Variants in ASAP2 observed in about 807,000 individuals in gnomAD.
The protein encoded by ASAP2 is ArfGAP with SH3 domain, ankyrin repeat and PH domain 2.
A neutral mutation model predicts 131.4 loss-of-function variants in ASAP2; 45 were observed. That is an observed-to-expected ratio of 0.34 (90% CI 0.27 to 0.44). ASAP2 has a LOEUF of 0.44. ASAP2 is among the 20% of genes least tolerant of loss of function. The probability of loss-of-function intolerance (pLI) is 1.00; values close to 1 mark genes in which losing one functional copy is unlikely to be tolerated. For synonymous variants in ASAP2, 510 were observed against 503.0 expected, an observed-to-expected ratio of 1.01 and a Z score of -0.19; for missense variants, 1,011 against 1,297.0, an observed-to-expected ratio of 0.78 and a Z score of 3.39.
At position 9,232,265 on chromosome 2, in the gene ASAP2, C is replaced by T. The variant is rs11688558; in HGVS notation, c.126+25035C>T. Among the ~76,000 whole-genome samples, 1,012 of 152,300 alleles carry T rather than the reference C, an allele frequency of 6.6e-3. 12 individuals carry two copies. The highest frequency in any genetic ancestry group is 0.023 in the African/African-American group (973 of 41,572). On this transcript the variant is annotated intron_variant, in intron 1 of 27. Transcript: ENST00000281419. This position sits in a 1 kb window ranked among gnomAD's most constrained non-coding sequence, Gnocchi z 4.1. ...TCAACACGCCTCACTGCCCTGCGCCCGATCCTTTTACACAGGTGGTCCCTC... is the reference window on the plus strand; with the variant it reads ...TCAACACGCCTCACTGCCCTGCGCCTGATCCTTTTACACAGGTGGTCCCTC...
At chr2:9,313,370 T>C (rs1558320752) in intron 3 of ASAP2, among the ~76,000 whole-genome samples, 1 of 152,230 alleles carries the variant, frequency 6.6e-6, no homozygotes, top group South Asian at 2.1e-4. Flanking sequence ...GATGAATTTC[T>C]TTTTCTCTGC....
rs1661238061 is a variant in ASAP2, at chr2:9,207,862, G to T, written c.126+632G>T. Among the ~76,000 whole-genome samples, 1 of 152,184 alleles carries T rather than the reference G, an allele frequency of 6.6e-6. No individual in the cohort carries two copies. The highest frequency in any genetic ancestry group is 1.5e-5 in the Non-Finnish European group (1 of 68,020). ...CAGGAGCCGCTCCCCGGTTACCTGG[G>T]TCTCACCTGCTTGAACCCGGAATGC... On this transcript the variant is annotated intron_variant, in intron 1 of 27. Transcript: ENST00000281419. This position sits in a 1 kb window ranked among gnomAD's most constrained non-coding sequence, Gnocchi z 4.1.
intron 26 of ASAP2, 145 bp from the exon 27 acceptor site, chr2:9,401,129 C>G (rs534255034): frequency 7.9e-6 from 8 of 1,008,794 alleles, no homozygotes; most frequent in South Asian, 1.6e-5. Context: ...CTGAGCTGCA[C>G]TGACCTGCCC....
intron 11 of ASAP2, among the ~76,000 whole-genome samples, chr2:9,347,921 G>A (rs1029332520): frequency 3.9e-5 from 6 of 152,170 alleles, no homozygotes; most frequent in Non-Finnish European, 5.9e-5. Context: ...AGAACGGCAC[G>A]ATTAGAATGG....
In ASAP2 at chr2:9,335,165, G is replaced by A; in HGVS notation, c.835G>A (p.Val279Ile). Reference protein sequence around the residue: ...LRDILKSALQVEQKEDSQIRQ... With the variant: ...LRDILKSALQIEQKEDSQIRQ... ...AGATATTTTGAAATCCGCATTGCAG[G>A]TTGAACAGAAAGAGGTGAGGGGATT... is the stretch of plus-strand genomic sequence containing the variant. The change falls in exon 9 of 28, where the codon GTT (valine) becomes ATT (isoleucine). Residue 279 changes from valine to isoleucine, a missense_variant. Val to Ile is a conservative substitution (Grantham distance 29). Transcript: ENST00000281419. The A allele has an allele frequency of 6.2e-7, 1 of 1,614,102 alleles. No homozygotes were observed. The highest frequency in any genetic ancestry group is 8.5e-7 in the Non-Finnish European group (1 of 1,179,986).
chr2:9,229,237 G>A (rs1572204000), intron 1 of ASAP2, among the ~76,000 whole-genome samples: 1 of 152,120 alleles, frequency 6.6e-6, no homozygotes. Context: ...GGCTGGTGGC[G>A]GGGCAGGTGG....
In ASAP2 at chr2:9,356,256, A is replaced by G; in HGVS notation, c.1238A>G (p.Asn413Ser). 3 of 1,614,172 alleles carry G rather than the reference A, an allele frequency of 1.9e-6. No homozygotes were observed. Among genetic ancestry groups the G allele is most frequent in the Non-Finnish European group, 1.7e-6 (2 of 1,180,008 alleles). The part of the protein sequence containing the change: ...AFKGDDNTGE[N>S]NIVQELTKEI... ...AAGGGGGATGACAATACTGGAGAAA[A>G]TAACATCGTCCAAGAACTGACAAAG... Residue 413 changes from asparagine (N) to serine (S), a missense_variant, in exon 14 of 28, where the codon AAT becomes AGT. This residue lies in a region of ASAP2 where 359 missense variants were observed against 598.1 expected (regional missense o/e 0.60). Coordinates refer to ENST00000281419, the MANE Select transcript of ASAP2 (RefSeq NM_003887.3).
At chr2:9,324,480 G>T (rs1402984343) in intron 6 of ASAP2, among the ~76,000 whole-genome samples, 2 of 152,136 alleles carry the variant, frequency 1.3e-5, no homozygotes, top group African/African-American at 4.8e-5. Flanking sequence ...AAGGTTGAGG[G>T]GCTGCATCTG....
chr2:9,401,320 C>T lies in ASAP2; in HGVS notation c.2870C>T (p.Ala957Val). The change falls in exon 27 of 28, where the codon GCT (alanine) becomes GTT (valine). Residue 957 changes from alanine (A) to valine (V), a missense_variant. Physicochemically the swap from Ala to Val is moderately conservative, Grantham distance 64 (BLOSUM62 0). Transcript: ENST00000281419. The stretch of plus-strand genomic sequence containing the variant: ...GTGAAAGCGCTCTATAACTGTGTGG[C>T]TGACAACCCCGATGAGCTCACCTTC... ...KRVKALYNCVADNPDELTFSE... is the reference protein window; with the variant it reads ...KRVKALYNCVVDNPDELTFSE... The T allele has an allele frequency of 1.9e-6, 3 of 1,613,666 alleles. No homozygotes were observed. The highest frequency in any genetic ancestry group is 2.5e-6 in the Non-Finnish European group (3 of 1,179,954).
chr2:9,320,356 A>G lies in ASAP2; in HGVS notation c.470+19A>G. On this transcript the variant is annotated intron_variant, in intron 5 of 27. Transcript: ENST00000281419. ...CAAAAATGTGAGTGTTCTCGTTTTT[A>G]AATTTACGTATAGGTAATTTGGGAT... 1 of 1,599,146 alleles carries G rather than the reference A, an allele frequency of 6.3e-7. No homozygotes were observed. Among genetic ancestry groups the G allele is most frequent in the Non-Finnish European group, 8.6e-7 (1 of 1,168,984 alleles).
At chr2:9,314,522 C>A (rs141234593) in intron 3 of ASAP2, among the ~76,000 whole-genome samples, 1 of 152,200 alleles carries the variant, frequency 6.6e-6, no homozygotes, top group Non-Finnish European at 1.5e-5. Flanking sequence ...TAGGCCAAGC[C>A]CCATGCTAAG....
chr2:9,217,860 C>T lies in ASAP2; in HGVS notation c.126+10630C>T, dbSNP rs1662162020. On this transcript the variant is annotated intron_variant, in intron 1 of 27. Transcript: ENST00000281419. The surrounding 1 kb of genome is among the most constrained non-coding windows in gnomAD (Gnocchi z 4.0). Reference sequence around the variant, plus strand: ...TGATCTCCTGACCTCGTGAGGCACCCACCTCGGCTTCCCAAAGTGCTGGGA... The same window carrying T: ...TGATCTCCTGACCTCGTGAGGCACCTACCTCGGCTTCCCAAAGTGCTGGGA... 1.3e-5 allele frequency among the ~76,000 whole-genome samples: 2 copies of T among 151,494 alleles called. No individual in the cohort carries two copies. The highest frequency in any genetic ancestry group is 2.9e-5 in the Non-Finnish European group (2 of 67,926).
Position 9,405,577 on chromosome 2 carries a change from T to C in ASAP2, c.*2250T>C, listed in dbSNP as rs1406138948. 6.6e-6 allele frequency: 1 copy of C among 152,670 alleles called. No individual in the cohort carries two copies. The highest frequency in any genetic ancestry group is 1.5e-5 in the Non-Finnish European group (1 of 68,044). The allele number at this position is 152,670 out of a possible 1,614,324, so 9.5% of individuals were successfully genotyped here. ...TATAACCGAAATTGATTATTTTCAT[T>C]GTCCTTAATGCAGTGATTTATAATT... On this transcript the variant is annotated 3_prime_UTR_variant, in exon 28 of 28. Coordinates refer to ENST00000281419, the MANE Select transcript of ASAP2 (RefSeq NM_003887.3).
At chr2:9,312,351 G>A (rs1412607301) in intron 3 of ASAP2, among the ~76,000 whole-genome samples, 1 of 152,144 alleles carries the variant, frequency 6.6e-6, no homozygotes, top group Non-Finnish European at 1.5e-5. Flanking sequence ...CTGGCACCAG[G>A]CTTCTCTCTC....
At chr2:9,297,940 G>A (rs774508186) in intron 3 of ASAP2, among the ~76,000 whole-genome samples, 8 of 150,188 alleles carry the variant, frequency 5.3e-5, no homozygotes, top group Non-Finnish European at 9.0e-5. Flanking sequence ...GCAATGCCTC[G>A]GTTTTCAGCC....
At chr2:9,223,882 A>G (rs1466539540) in intron 1 of ASAP2, among the ~76,000 whole-genome samples, 1 of 152,186 alleles carries the variant, frequency 6.6e-6, no homozygotes, top group Non-Finnish European at 1.5e-5. Context: ...GCCACAGCAG[A>G]GCATGTTTAT....
At chr2:9,393,767 A>C in intron 24 of ASAP2, 120 bp downstream of exon 24, 3 of 1,095,174 alleles carry the variant, frequency 2.7e-6, no homozygotes, top group Non-Finnish European at 3.8e-6. Context: ...GCGCCACATA[A>C]CTAATTCATC....
chr2:9,385,487 T>C, intron 21 of ASAP2, 129 bp downstream of exon 21: 2 of 719,296 alleles, frequency 2.8e-6, no homozygotes, highest in South Asian at 1.8e-5. Context: ...TATGCTTTCA[T>C]TGATCTCAGT....
chr2:9,379,074 G>GC lies in ASAP2; in HGVS notation c.1948+19dup. 6.7e-7 allele frequency: 1 copy of GC among 1,502,898 alleles called. No individual in the cohort carries two copies. The allele number at this position is 1,502,898 out of a possible 1,614,324, so 93.1% of individuals were successfully genotyped here. On this transcript the variant is annotated intron_variant, in intron 19 of 27. Coordinates refer to ENST00000281419, the MANE Select transcript of ASAP2 (RefSeq NM_003887.3). ...CATCGAGATAGGTGAGTGGGCCCGG[G>GC]CCCCGGGGGTGGGCTCAGCTGCACC... is the stretch of plus-strand genomic sequence containing the variant.
Sources: allele counts gnomAD v4.1 joint callset (sites outside exome capture counted in the v4.1 genomes callset), GRCh38; gene constraint gnomAD v4.1.1; regional missense constraint gnomAD v4.1.1; non-coding constraint Gnocchi (gnomAD v3.1); transcripts MANE v1.5; gene names NCBI Gene and HGNC (gene_info 2026-07-23, HGNC 2026-07-21).